The following COPG2 variants were observed in gnomAD, a reference collection of about 807,000 sequenced individuals.
The protein encoded by COPG2 is coat protein complex I subunit gamma 2, also known as coatomer subunit gamma-2.
In COPG2, 37 loss-of-function variants were observed where a neutral mutation model predicts 46.3. The ratio of observed to expected loss-of-function variants is 0.80; its 90% CI spans 0.61 to 1.05. COPG2 has a LOEUF of 1.05. Ranked by LOEUF, COPG2 falls within the 50% of genes least tolerant of loss-of-function variation. The pLI is 0.00. For missense variants in COPG2, 427 were observed against 387.8 expected (o/e 1.10, Z -0.85); for synonymous variants, 159 against 129.7 (o/e 1.23, Z -1.53).
At chr7:130,515,612 A>G (rs1169019361) in intron 20 of COPG2, among the ~76,000 whole-genome samples, 2 of 152,162 alleles carry the variant, frequency 1.3e-5, no homozygotes, top group Admixed American at 1.3e-4. Context: ...GGCTAGGAAC[A>G]ATTCTGATAA....
chr7:130,612,915 A>G (rs996685289), intron 7 of COPG2, among the ~76,000 whole-genome samples: 1 of 152,172 alleles, frequency 6.6e-6, no homozygotes, highest in Non-Finnish European at 1.5e-5. Flanking sequence ...ATTTTAAATG[A>G]AAGAAAAGGG....
chr7:130,610,041 T>C (rs782056974), intron 9 of COPG2: 1 of 517,414 alleles, frequency 1.9e-6, no homozygotes, highest in Non-Finnish European at 3.9e-6. Flanking sequence ...CTAATTTCTA[T>C]ATGTGGGTCA....
intron 5 of COPG2, among the ~76,000 whole-genome samples, chr7:130,648,609 G>A (rs1337128290): frequency 9.2e-5 from 14 of 152,176 alleles, no homozygotes; most frequent in Non-Finnish European, 1.9e-4. Context: ...CGGGACTGCC[G>A]TAGGATATAG....
At chr7:130,519,091 T>G (rs1443263013) in intron 20 of COPG2, among the ~76,000 whole-genome samples, 1 of 151,652 alleles carries the variant, frequency 6.6e-6, no homozygotes, top group Non-Finnish European at 1.5e-5. Flanking sequence ...ATGTTAGATT[T>G]AGGTTGGGGT....
intron 3 of COPG2, among the ~76,000 whole-genome samples, chr7:130,665,688 T>A (rs1251436462): frequency 6.6e-6 from 1 of 152,132 alleles, no homozygotes; most frequent in African/African-American, 2.4e-5. Flanking sequence ...ACCATTTGTA[T>A]GAGGGACTTG....
intron 5 of COPG2, among the ~76,000 whole-genome samples, chr7:130,638,979 G>A (rs559882722): frequency 1.8e-4 from 27 of 152,178 alleles, no homozygotes; most frequent in Non-Finnish European, 3.5e-4. Context: ...TTGGCTAGGG[G>A]AGGGAGTTCC....
At chr7:130,536,046 G>T (rs999775606) in intron 20 of COPG2, among the ~76,000 whole-genome samples, 2 of 152,090 alleles carry the variant, frequency 1.3e-5, no homozygotes, top group Non-Finnish European at 2.9e-5. Context: ...ACGAAAATTA[G>T]ATTGAGGCCA....
chr7:130,639,428 C>G (rs541081735), intron 5 of COPG2, among the ~76,000 whole-genome samples: 13 of 152,242 alleles, frequency 8.5e-5, no homozygotes, highest in Middle Eastern at 6.8e-3. Flanking sequence ...TTGAAAATTT[C>G]CAAGTTTTTT....
chr7:130,548,004 T>C (rs1018836209), intron 19 of COPG2, among the ~76,000 whole-genome samples, 159 bp from the exon 20 acceptor site: 1 of 152,212 alleles, frequency 6.6e-6, no homozygotes, highest in South Asian at 2.1e-4. Flanking sequence ...GAGAGCCTTA[T>C]TCTTGAGGTC....
intron 5 of COPG2, among the ~76,000 whole-genome samples, chr7:130,647,650 T>C (rs933450656): frequency 6.6e-6 from 1 of 152,164 alleles, no homozygotes; most frequent in Non-Finnish European, 1.5e-5. Flanking sequence ...ATGTTCGATA[T>C]TGGAATAGGC....
At chr7:130,618,481 C>T (rs1279588755) in intron 5 of COPG2, among the ~76,000 whole-genome samples, 1 of 152,010 alleles carries the variant, frequency 6.6e-6, no homozygotes, top group South Asian at 2.1e-4. Context: ...TCATTTTCTT[C>T]TCAAAATAAA....
At chr7:130,651,578 G>A (rs998830697) in intron 5 of COPG2, among the ~76,000 whole-genome samples, 58 of 124,388 alleles carry the variant, frequency 4.7e-4, no homozygotes, top group African/African-American at 1.4e-3. Context: ...CTGCAGTGGC[G>A]CAATCTCGGC....
intron 5 of COPG2, among the ~76,000 whole-genome samples, chr7:130,631,216 G>T (rs1795223965): frequency 7.0e-6 from 1 of 143,404 alleles, no homozygotes; most frequent in Non-Finnish European, 1.5e-5. Flanking sequence ...CTGTCACCCA[G>T]GCTGGAGTGC....
chr7:130,564,722 G>A (rs1161800079), intron 9 of COPG2, among the ~76,000 whole-genome samples: 5 of 152,182 alleles, frequency 3.3e-5, no homozygotes, highest in African/African-American at 1.2e-4. Flanking sequence ...TTCCATAGCA[G>A]TCTTGGAAAC....
At chr7:130,570,550 C>T (rs1163825516) in intron 9 of COPG2, among the ~76,000 whole-genome samples, 1 of 151,912 alleles carries the variant, frequency 6.6e-6, no homozygotes, top group African/African-American at 2.4e-5. Context: ...AGAAATCATA[C>T]ACAAACAAAT....
rs145785936 is a variant in COPG2 at position 130,606,240 on chromosome 7, AAGAG to A, written c.737+4709_737+4712del. On this transcript the variant is annotated intron_variant, in intron 9 of 23. Coordinates refer to ENST00000425248, the MANE Select transcript of COPG2 (RefSeq NM_012133.6). ...GACTTTAAAATAAATAAAAAAAAGA[AAGAG>A]AGAGAGAGAGAGAGAAAGAAAGAGA... 8.2e-4 allele frequency among the ~76,000 whole-genome samples: 122 copies of A among 149,214 alleles called. 1 individual carries two copies. Among genetic ancestry groups the A allele is most frequent in the Middle Eastern group, 3.4e-3 (1 of 294 alleles).
chr7:130,595,954 G>A (rs1368994953), intron 9 of COPG2, among the ~76,000 whole-genome samples: 1 of 152,174 alleles, frequency 6.6e-6, no homozygotes. Flanking sequence ...TTTCTTCCTT[G>A]TTCCTACAGC....
intron 20 of COPG2, among the ~76,000 whole-genome samples, chr7:130,533,946 G>A (rs1297929183): frequency 1.0e-5 from 1 of 97,050 alleles, no homozygotes; most frequent in Non-Finnish European, 1.9e-5. Flanking sequence ...CAGGAGGGGC[G>A]TAAGAGGAGA....
At chr7:130,593,664 TG>T (rs1159614449) in intron 9 of COPG2, among the ~76,000 whole-genome samples, 13 of 152,210 alleles carry the variant, frequency 8.5e-5, no homozygotes, top group Middle Eastern at 3.4e-3. Flanking sequence ...TGCACAGTAG[TG>T]GGTATAGACA....
Sources: allele counts gnomAD v4.1 joint callset (sites outside exome capture counted in the v4.1 genomes callset), GRCh38; gene constraint gnomAD v4.1.1; transcripts MANE v1.5; gene names NCBI Gene and HGNC (gene_info 2026-07-23, HGNC 2026-07-21).